Variants in QSER1 observed in about 807,000 individuals in gnomAD.
QSER1 encodes the protein glutamine and serine-rich protein 1.
In QSER1, 49 loss-of-function variants were observed where a neutral mutation model predicts 158.5. The observed-to-expected ratio is 0.31, with a 90% CI of 0.25 to 0.39. QSER1 has a LOEUF of 0.39. Among genes scored for constraint, QSER1 ranks in the 10% least tolerant of loss-of-function variants. The pLI, the probability that QSER1 is intolerant of heterozygous loss-of-function variation, is 1.00. For synonymous variants in QSER1, 650 were observed against 715.5 expected, an observed-to-expected ratio of 0.91 and a Z score of 1.46; for missense variants, 1,754 against 2,010.3, an observed-to-expected ratio of 0.87 and a Z score of 2.44.
Position 32,976,529 on chromosome 11 carries a change from G to T in QSER1, c.*55G>T. The T allele has an allele frequency of 1.9e-6, 3 of 1,584,832 alleles. No homozygotes were observed. The highest frequency in any genetic ancestry group is 1.1e-5 in the South Asian group (1 of 87,162). ...GCACTAATGAAATGGCAGATATGGGGTGGTCAAAGATAATCAGATGTCAAG... is the reference window on the plus strand; with the variant it reads ...GCACTAATGAAATGGCAGATATGGGTTGGTCAAAGATAATCAGATGTCAAG... On this transcript the variant is annotated 3_prime_UTR_variant, in exon 13 of 13. Coordinates refer to ENST00000650167, the MANE Select transcript of QSER1 (RefSeq NM_001076786.3).
chr11:32,914,200 T>G (rs1475973324), intron 1 of QSER1, among the ~76,000 whole-genome samples: 1 of 152,224 alleles, frequency 6.6e-6, no homozygotes, highest in Non-Finnish European at 1.5e-5. Flanking sequence ...AAAATATTTA[T>G]CTTAACTGAG....
At chr11:32,938,808 T>C (rs1852189902) in intron 4 of QSER1, among the ~76,000 whole-genome samples, 2 of 152,200 alleles carry the variant, frequency 1.3e-5, no homozygotes, top group South Asian at 4.1e-4. Context: ...ACATATTTAC[T>C]TGCAGTATAG....
At chr11:32,896,105 C>A (rs1217460740) in intron 1 of QSER1, among the ~76,000 whole-genome samples, 1 of 152,138 alleles carries the variant, frequency 6.6e-6, no homozygotes. Context: ...TTGCTGAACA[C>A]CACGCAGTTG....
chr11:32,930,801 A>G (rs1017466176), intron 3 of QSER1, among the ~76,000 whole-genome samples: 3 of 152,012 alleles, frequency 2.0e-5, no homozygotes, highest in Non-Finnish European at 2.9e-5. Context: ...ATAAATTTCT[A>G]TAGAACTTTC....
intron 4 of QSER1, among the ~76,000 whole-genome samples, chr11:32,949,141 C>T (rs1852383609): frequency 6.6e-6 from 1 of 152,006 alleles, no homozygotes; most frequent in South Asian, 2.1e-4. Flanking sequence ...TCCCAGTTTA[C>T]CCTTCATTCA....
At chr11:32,937,298 T>A (rs1852166567) in intron 4 of QSER1, among the ~76,000 whole-genome samples, 1 of 152,148 alleles carries the variant, frequency 6.6e-6, no homozygotes, top group Non-Finnish European at 1.5e-5. Flanking sequence ...TTTTTATTAT[T>A]TTAAGAGACA....
chr11:32,913,489 G>A (rs759557849), intron 1 of QSER1, among the ~76,000 whole-genome samples: 27 of 151,794 alleles, frequency 1.8e-4, no homozygotes, highest in Non-Finnish European at 3.8e-4. Context: ...TACCGCACCC[G>A]GTCTTTCCTC....
rs962558109 is a variant in QSER1 at position 32,921,027 on chromosome 11, C to T, written c.210-6130C>T. Among the ~76,000 whole-genome samples, 3 of 152,230 alleles carry T rather than the reference C, an allele frequency of 2.0e-5. No individual in the cohort carries two copies. In the South Asian group the frequency reaches 6.2e-4, roughly 32 times the overall value. ...TATACCCAAGAGAAATTAAAACATA[C>T]ATCTATACAAAAACTTGTACATGAA... On this transcript the variant is annotated intron_variant, in intron 1 of 12. Transcript: ENST00000650167.
At chr11:32,919,371 C>T (rs1851873028) in intron 1 of QSER1, among the ~76,000 whole-genome samples, 1 of 152,186 alleles carries the variant, frequency 6.6e-6, no homozygotes, top group South Asian at 2.1e-4. Context: ...CCTCTTATTA[C>T]TTTGCTTTTG....
intron 2 of QSER1, 22 bp downstream of exon 2, chr11:32,927,291 A>T (rs1209467449): frequency 6.5e-6 from 1 of 152,694 alleles, no homozygotes; most frequent in Non-Finnish European, 1.5e-5. Flanking sequence ...CTTGTGAATT[A>T]TACTACGAGT....
chr11:32,921,517 T>G (rs1287377228), intron 1 of QSER1, among the ~76,000 whole-genome samples: 2 of 152,230 alleles, frequency 1.3e-5, no homozygotes, highest in African/African-American at 4.8e-5. Flanking sequence ...ATTCCAAATT[T>G]GTTTTTTTAC....
intron 1 of QSER1, among the ~76,000 whole-genome samples, chr11:32,894,765 A>G (rs1463732174): frequency 2.0e-5 from 3 of 152,214 alleles, no homozygotes; most frequent in Non-Finnish European, 4.4e-5. Context: ...ATTTGGAGCT[A>G]AGTAATTAAA....
At chr11:32,926,625 G>T (rs1252963581) in intron 1 of QSER1, 1 of 152,046 alleles carries the variant, frequency 6.6e-6, no homozygotes, top group African/African-American at 2.4e-5. Flanking sequence ...TCTTGTTTTG[G>T]GCTACTCTGA....
At chr11:32,896,753 T>A (rs551662604) in intron 1 of QSER1, among the ~76,000 whole-genome samples, 1 of 152,004 alleles carries the variant, frequency 6.6e-6, no homozygotes, top group Non-Finnish European at 1.5e-5. Context: ...TAATGCATAC[T>A]TTTTTTTAGT....
chr11:32,949,478 A>G (rs1852387703), intron 4 of QSER1, among the ~76,000 whole-genome samples: 1 of 152,202 alleles, frequency 6.6e-6, no homozygotes, highest in Non-Finnish European at 1.5e-5. Flanking sequence ...CCATGTATGA[A>G]TAATTTTTAA....
intron 1 of QSER1, among the ~76,000 whole-genome samples, chr11:32,903,299 C>G (rs1018015565): frequency 6.6e-6 from 1 of 151,328 alleles, no homozygotes; most frequent in African/African-American, 2.4e-5. Context: ...AGACACTATT[C>G]TGGGGGCTTG....
chr11:32,899,242 T>C (rs1020626577), intron 1 of QSER1, among the ~76,000 whole-genome samples: 4 of 152,202 alleles, frequency 2.6e-5, no homozygotes, highest in Admixed American at 2.0e-4. Flanking sequence ...ACTTATATCA[T>C]GAAAGCCAGA....
At chr11:32,905,586 G>C (rs1406602362) in intron 1 of QSER1, among the ~76,000 whole-genome samples, 1 of 152,088 alleles carries the variant, frequency 6.6e-6, no homozygotes, top group South Asian at 2.1e-4. Context: ...ACTTAGAGAT[G>C]GTCTTTTGCT....
chr11:32,965,821 A>T (rs1240710585), intron 8 of QSER1, among the ~76,000 whole-genome samples: 1 of 151,994 alleles, frequency 6.6e-6, no homozygotes, highest in Non-Finnish European at 1.5e-5. Flanking sequence ...TGTACCTATA[A>T]TCCCAGCTAC....
Sources: gnomAD v4.1 joint callset for allele counts (sites outside exome capture counted in the v4.1 genomes callset) on GRCh38, gnomAD v4.1.1 for gene constraint, MANE v1.5 for transcripts, NCBI Gene and HGNC (gene_info 2026-07-23, HGNC 2026-07-21) for gene names.